The following XRN1 variants were observed in gnomAD, a reference collection of about 807,000 sequenced individuals.
XRN1 encodes the protein strand-exchange protein 1 homolog.
A neutral mutation model predicts 222.3 loss-of-function variants in XRN1; 67 were observed. The ratio of observed to expected loss-of-function variants is 0.30; its 90% CI spans 0.25 to 0.37. The LOEUF (loss-of-function observed/expected upper bound fraction) is 0.37. XRN1 is among the 10% of genes least tolerant of loss of function. XRN1 has a pLI of 1.00. For synonymous variants in XRN1, 643 were observed against 652.4 expected, an observed-to-expected ratio of 0.99 and a Z score of 0.22; for missense variants, 1,707 against 2,000.2, an observed-to-expected ratio of 0.85 and a Z score of 2.80.
At chr3:142,369,252 C>T (rs1258756003) in intron 27 of XRN1, among the ~76,000 whole-genome samples, 1 of 152,116 alleles carries the variant, frequency 6.6e-6, no homozygotes, top group African/African-American at 2.4e-5. Context: ...CGCAACTCTA[C>T]TATAAAAGTC....
chr3:142,371,475 T>C, intron 25 of XRN1, 147 bp from the exon 26 acceptor site: 1 of 647,906 alleles, frequency 1.5e-6, no homozygotes, highest in Non-Finnish European at 2.6e-6. Context: ...TTAAAAGTGA[T>C]AGAAAGTGTA....
At chr3:142,374,693 A>G (rs1577319253) in intron 25 of XRN1, among the ~76,000 whole-genome samples, 3 of 152,212 alleles carry the variant, frequency 2.0e-5, no homozygotes, top group East Asian at 3.8e-4. Context: ...TCAAGTTGAA[A>G]AATTAAGAAA....
Position 142,417,134 on chromosome 3 carries a change from T to C in XRN1, c.1436+6A>G. The C allele has an allele frequency of 1.2e-6, 2 of 1,604,690 alleles. No homozygotes were observed. The highest frequency in any genetic ancestry group is 1.7e-6 in the Non-Finnish European group (2 of 1,174,590). ...CAAAACTTTATTTTTGTTTTTATTC[T>C]CTCACCAGCTCCAGGACTGAACTCC... is the stretch of plus-strand genomic sequence containing the variant. On this transcript the variant is annotated splice_donor_region_variant and intron_variant, in intron 13 of 40. Transcript: ENST00000392981.
chr3:142,314,880 G>A (rs1388904308), intron 39 of XRN1, among the ~76,000 whole-genome samples: 4 of 139,686 alleles, frequency 2.9e-5, no homozygotes, highest in Admixed American at 7.2e-5. Context: ...ACTCCAGCCT[G>A]GGTGACAGAG....
At chr3:142,382,266 T>G (rs1161685992) in intron 22 of XRN1, among the ~76,000 whole-genome samples, 2 of 152,130 alleles carry the variant, frequency 1.3e-5, no homozygotes, top group Non-Finnish European at 2.9e-5. Flanking sequence ...CAAAGATGAT[T>G]CTTACATGAT....
chr3:142,382,529 G>A lies in XRN1; in HGVS notation c.2616+771C>T, dbSNP rs77766149. On this transcript the variant is annotated intron_variant, in intron 22 of 40. Coordinates refer to ENST00000392981, the MANE Select transcript of XRN1 (RefSeq NM_001282857.2). ...CTCAACCTGGTTCCTGTGTTTACATGACATACTCCCACCATTCTTCTGAGC... is the reference window on the plus strand; with the variant it reads ...CTCAACCTGGTTCCTGTGTTTACATAACATACTCCCACCATTCTTCTGAGC... 9.4e-3 allele frequency among the ~76,000 whole-genome samples: 1,435 copies of A among 152,212 alleles called. 22 individuals are homozygous for A. Among genetic ancestry groups the A allele is most frequent in the African/African-American group, 0.033 (1,358 of 41,528 alleles).
rs1254495542 is a variant in XRN1, at chr3:142,401,497, G to A, written c.2104-950C>T. 3.9e-5 allele frequency among the ~76,000 whole-genome samples: 6 copies of A among 152,074 alleles called. No homozygotes were observed. In the East Asian group the frequency reaches 7.7e-4, roughly 20 times the overall value. On this transcript the variant is annotated intron_variant, in intron 18 of 40. Coordinates refer to ENST00000392981, the MANE Select transcript of XRN1 (RefSeq NM_001282857.2). ...TGGGAGGCCGAGGCAGGTGGATCACGAAGTCAGAAGTTCAAGACCAGCCTG... is the reference window on the plus strand; with the variant it reads ...TGGGAGGCCGAGGCAGGTGGATCACAAAGTCAGAAGTTCAAGACCAGCCTG...
rs745328682 is a variant in XRN1, at chr3:142,397,447, C to T, written c.2221G>A (p.Glu741Lys). The T allele has an allele frequency of 6.2e-7, 1 of 1,600,784 alleles. No individual in the cohort carries two copies. The highest frequency in any genetic ancestry group is 8.5e-7 in the Non-Finnish European group (1 of 1,174,064). Residue 741 changes from glutamate to lysine, a missense_variant, in exon 20 of 41, where the codon GAA becomes AAA. By Grantham distance (56) the Glu-to-Lys change is moderately conservative (BLOSUM62 1). Transcript: ENST00000392981. The stretch of plus-strand genomic sequence containing the variant: ...TAAAGCTTCTGTGTTCCTGGAGGTT[C>T]TTCCAAGTAAAACCTTAAGAGTTAA... ...SDGETKFYLEEPPGTQKLYSG... is the reference protein window; with the variant it reads ...SDGETKFYLEKPPGTQKLYSG...
intron 25 of XRN1, 40 bp downstream of exon 25, chr3:142,375,758 A>T: frequency 6.5e-7 from 1 of 1,536,594 alleles, no homozygotes. Flanking sequence ...TATTTTCCTA[A>T]GATTTTGGAA....
chr3:142,403,970 C>G lies in XRN1; in HGVS notation c.1903G>C (p.Asp635His), dbSNP rs141165757. ...TTGTTTATGTCTACACGCCAAGCAT[C>G]TAAGGATATTATTTTATACCTAGAA... The part of the protein sequence containing the change: ...CCTRYKIISL[D>H]AWRVDINKNK... The change falls in exon 17 of 41, where the codon GAT becomes CAT. Residue 635 changes from aspartate (D) to histidine (H), a missense_variant. Physicochemically the swap from Asp to His is moderately conservative, Grantham distance 81. Transcript: ENST00000392981. 8.9e-5 allele frequency: 141 copies of G among 1,583,604 alleles called. No individual in the cohort carries two copies. Among genetic ancestry groups the G allele is most frequent in the Non-Finnish European group, 1.6e-5 (18 of 1,153,550 alleles).
chr3:142,323,430 C>T (rs1357446494), intron 37 of XRN1, among the ~76,000 whole-genome samples: 1 of 152,056 alleles, frequency 6.6e-6, no homozygotes, highest in Admixed American at 6.6e-5. Context: ...GATCCGCCTG[C>T]CTTGGCCTCC....
intron 1 of XRN1, among the ~76,000 whole-genome samples, chr3:142,433,630 G>A (rs1437064341): frequency 6.6e-6 from 1 of 152,172 alleles, no homozygotes; most frequent in African/African-American, 2.4e-5. Context: ...AAATGTTTGT[G>A]AGGATGGGGA....
chr3:142,376,126 C>A, intron 24 of XRN1, 182 bp from the exon 25 acceptor site: 4 of 1,152,706 alleles, frequency 3.5e-6, no homozygotes, highest in Non-Finnish European at 4.6e-6. Context: ...AATTGAAAAA[C>A]TAGAAGAAAA....
intron 34 of XRN1, among the ~76,000 whole-genome samples, chr3:142,333,587 T>C (rs1451577502): frequency 1.3e-5 from 2 of 152,182 alleles, no homozygotes; most frequent in African/African-American, 2.4e-5. Flanking sequence ...AAAACACTTA[T>C]ATGGTCTGCA....
At chr3:142,345,069 G>A (rs1368879184) in intron 33 of XRN1, among the ~76,000 whole-genome samples, 2 of 152,162 alleles carry the variant, frequency 1.3e-5, no homozygotes, top group Non-Finnish European at 2.9e-5. Flanking sequence ...GAATGGAATT[G>A]AGAGTCCAGA....
intron 20 of XRN1, among the ~76,000 whole-genome samples, chr3:142,386,543 C>A (rs1393254516): frequency 6.6e-6 from 1 of 151,986 alleles, no homozygotes; most frequent in Non-Finnish European, 1.5e-5. Flanking sequence ...TAATTAAAAA[C>A]AAGCTACAGT....
intron 2 of XRN1, among the ~76,000 whole-genome samples, chr3:142,431,876 TATATATATTATATATA>T (rs1204849114): frequency 9.3e-5 from 2 of 21,432 alleles, no homozygotes; most frequent in Non-Finnish European, 1.5e-4. Context: ...TATATTATAT[TATATATATTATATATA>T]ATATATATAT....
chr3:142,367,544 C>A (rs192478021), intron 27 of XRN1, among the ~76,000 whole-genome samples: 29 of 148,882 alleles, frequency 1.9e-4, no homozygotes, highest in African/African-American at 5.7e-4. Context: ...AAAACTGACT[C>A]TTTTTTTTTT....
At chr3:142,354,770 A>T (rs957997825) in intron 32 of XRN1, among the ~76,000 whole-genome samples, 1 of 152,038 alleles carries the variant, frequency 6.6e-6, no homozygotes, top group Non-Finnish European at 1.5e-5. Flanking sequence ...ACCTCCAGTG[A>T]TCCACCCACC....
Sources: gnomAD v4.1 joint callset for allele counts (sites outside exome capture counted in the v4.1 genomes callset) on GRCh38, gnomAD v4.1.1 for gene constraint, MANE v1.5 for transcripts, NCBI Gene and HGNC (gene_info 2026-07-23, HGNC 2026-07-21) for gene names.